Variants in HMCN1 observed in about 807,000 individuals in gnomAD.
The protein encoded by HMCN1 is hemicentin 1, also known as hemicentin-1.
A neutral mutation model predicts 625.9 loss-of-function variants in HMCN1; 321 were observed. The observed-to-expected ratio is 0.51, with a 90% CI of 0.47 to 0.56. The LOEUF (loss-of-function observed/expected upper bound fraction) is 0.56. Among genes scored for constraint, HMCN1 ranks in the 20% least tolerant of loss-of-function variants. HMCN1 has a pLI of 0.00. For synonymous variants in HMCN1, 2,425 were observed against 2,417.6 expected, an observed-to-expected ratio of 1.00 and a Z score of -0.09; for missense variants, 6,588 against 6,887.3, an observed-to-expected ratio of 0.96 and a Z score of 1.54.
In HMCN1 at chr1:185,864,614, C is replaced by T. The variant is rs753014673; in HGVS notation, c.484C>T (p.Gln162Ter). 1.2e-6 allele frequency: 2 copies of T among 1,613,998 alleles called. No individual in the cohort carries two copies. The highest frequency in any genetic ancestry group is 1.7e-6 in the Non-Finnish European group (2 of 1,179,966). ...CCATGAGGTGCTGCAACTTATCCAA[C>T]AGAAACAGTCACAAGTGAGTAAGAA... is the stretch of plus-strand genomic sequence containing the variant. Reference protein sequence around the residue: ...LTHEVLQLIQQKQSQVVFVLT... With the variant: ...LTHEVLQLIQ The change falls in exon 3 of 107, where the codon CAG (glutamine) becomes TAG (stop). Residue 162 changes from glutamine (Q) to a stop codon, truncating the protein, a stop_gained. Transcript: ENST00000271588. LOFTEE classifies it high-confidence loss of function.
chr1:186,159,161 G>T (rs1473879973), intron 97 of HMCN1, among the ~76,000 whole-genome samples: 1 of 151,662 alleles, frequency 6.6e-6, no homozygotes, highest in African/African-American at 2.4e-5. Context: ...CTTGTAAGTT[G>T]GATTCCTAGG....
At chr1:186,139,764 G>T (rs1347788329) in intron 89 of HMCN1, among the ~76,000 whole-genome samples, 3 of 151,982 alleles carry the variant, frequency 2.0e-5, no homozygotes, top group Admixed American at 6.6e-5. Flanking sequence ...ATGCCACATT[G>T]GTAGGTAAAT....
rs180955787 is a variant in HMCN1 at position 186,178,807 on chromosome 1, C to T, written c.16294+41C>T. The T allele has an allele frequency of 9.2e-6, 12 of 1,307,218 alleles. No individual in the cohort carries two copies. The East Asian group carries it at 9.2e-5, about 10-fold the overall frequency. The allele number at this position is 1,307,218 out of a possible 1,614,324, so 81.0% of individuals were successfully genotyped here. A position where few individuals can be genotyped will look rare whatever the true frequency, so the allele number is the denominator to read the frequency against. ...ATTACATTTCCTTTCTGTGGGCTCT[C>T]TTACTGATCAAAGTATGTGTACAGC... On this transcript the variant is annotated intron_variant, in intron 104 of 106. Coordinates refer to ENST00000271588, the MANE Select transcript of HMCN1 (RefSeq NM_031935.3).
intron 2 of HMCN1, among the ~76,000 whole-genome samples, chr1:185,862,859 G>A (rs1235147057): frequency 1.3e-5 from 2 of 152,124 alleles, no homozygotes; most frequent in East Asian, 3.9e-4. Flanking sequence ...TATTTAATGA[G>A]TCTCTCAGTT....
intron 58 of HMCN1, 31 bp from the exon 59 acceptor site, chr1:186,087,186 A>G (rs756555887): frequency 1.5e-6 from 2 of 1,345,032 alleles, no homozygotes; most frequent in Non-Finnish European, 2.1e-6. Flanking sequence ...CCTGTATACC[A>G]CTCTACAATT....
intron 55 of HMCN1, among the ~76,000 whole-genome samples, chr1:186,079,233 G>A (rs551789305): frequency 6.6e-5 from 10 of 152,198 alleles, no homozygotes; most frequent in South Asian, 4.2e-4. Context: ...GCCGGCTCCC[G>A]TGCATAGCTC....
At chr1:185,758,371 C>T (rs921952045) in intron 1 of HMCN1, among the ~76,000 whole-genome samples, 22 of 152,190 alleles carry the variant, frequency 1.4e-4, no homozygotes, top group African/African-American at 5.3e-4. Context: ...TGTGGTGGCT[C>T]ATACCTGTAA....
chr1:186,074,340 A>G (rs1013640966), intron 52 of HMCN1, among the ~76,000 whole-genome samples: 9 of 151,268 alleles, frequency 5.9e-5, no homozygotes, highest in Non-Finnish European at 1.2e-4. Flanking sequence ...AATGTGCTCA[A>G]TCTTTCATAA....
chr1:186,018,149 A>G (rs1306612966), intron 33 of HMCN1, 34 bp from the exon 34 acceptor site: 1 of 1,562,754 alleles, frequency 6.4e-7, no homozygotes, highest in Non-Finnish European at 8.8e-7. Flanking sequence ...TACTTAAAAT[A>G]TTTATCCAGA....
intron 89 of HMCN1, among the ~76,000 whole-genome samples, chr1:186,143,495 T>A (rs186534363): frequency 6.5e-4 from 99 of 152,348 alleles, no homozygotes; most frequent in African/African-American, 2.2e-3. Flanking sequence ...GATGTGTTAG[T>A]TCCCAAAGGA....
At chr1:186,062,332 T>C (rs1657757707) in intron 47 of HMCN1, among the ~76,000 whole-genome samples, 182 bp from the exon 48 acceptor site, 1 of 152,178 alleles carries the variant, frequency 6.6e-6, no homozygotes, top group Non-Finnish European at 1.5e-5. Context: ...TATAATTGGA[T>C]TTATGACTTT....
At chr1:186,086,774 GTAGA>G (rs375561336) in intron 58 of HMCN1, among the ~76,000 whole-genome samples, 125 of 125,096 alleles carry the variant, frequency 1.0e-3, no homozygotes, top group South Asian at 3.6e-3. Flanking sequence ...AGATAGATAG[GTAGA>G]TAGATAGATA....
At chr1:186,175,143 T>C (rs566498269) in intron 103 of HMCN1, among the ~76,000 whole-genome samples, 2 of 152,330 alleles carry the variant, frequency 1.3e-5, no homozygotes, top group Admixed American at 6.5e-5. Flanking sequence ...AATATCTCAT[T>C]TCTCCCCAGT....
chr1:185,772,772 C>A (rs1656332526), intron 1 of HMCN1, among the ~76,000 whole-genome samples: 1 of 152,056 alleles, frequency 6.6e-6, no homozygotes, highest in Non-Finnish European at 1.5e-5. Flanking sequence ...TATTTTCTCA[C>A]AGTTCTCAAG....
chr1:186,113,283 C>G (rs955646871), intron 72 of HMCN1, among the ~76,000 whole-genome samples: 1 of 152,188 alleles, frequency 6.6e-6, no homozygotes, highest in Non-Finnish European at 1.5e-5. Context: ...ATTTAGTTCA[C>G]CTTTATTGAT....
chr1:186,052,426 G>C (rs1657016469), intron 42 of HMCN1, among the ~76,000 whole-genome samples: 1 of 152,048 alleles, frequency 6.6e-6, no homozygotes, highest in Non-Finnish European at 1.5e-5. Context: ...CCAGAGAGAA[G>C]CTGTAGGCCA....
In HMCN1 at chr1:186,088,005, A is replaced by G. The variant is rs1424298263; in HGVS notation, c.9437A>G (p.Asn3146Ser). The change falls in exon 61 of 107, where the codon AAT becomes AGT. Residue 3146 changes from asparagine (N) to serine (S), a missense_variant. By Grantham distance (46) the Asn-to-Ser change is conservative. This residue lies in a region of HMCN1 where 4,628 missense variants were observed against 4,853.1 expected (regional missense o/e 0.95). Coordinates refer to ENST00000271588, the MANE Select transcript of HMCN1 (RefSeq NM_031935.3). ...AGRDDKNFHL[N>S]VYVPPSIEGP... is the part of the protein sequence containing the mutation. ...CGGGATGATAAAAATTTCCACCTCA[A>G]TGTATATGGTGAGCATTTGCCTCTA... 3.7e-6 allele frequency: 6 copies of G among 1,612,842 alleles called. No individual in the cohort carries two copies. The highest frequency in any genetic ancestry group is 2.2e-5 in the South Asian group (2 of 91,072).
intron 1 of HMCN1, among the ~76,000 whole-genome samples, chr1:185,761,827 A>C (rs971988456): frequency 6.7e-6 from 1 of 149,682 alleles, no homozygotes; most frequent in Middle Eastern, 3.3e-3. Context: ...TCTGACCATA[A>C]ATTTTTAGAT....
chr1:185,767,967 C>T (rs996179960), intron 1 of HMCN1, among the ~76,000 whole-genome samples: 2 of 152,196 alleles, frequency 1.3e-5, no homozygotes, highest in African/African-American at 4.8e-5. Context: ...AGAAGAAAAA[C>T]AAAAATCCCC....
Sources: gnomAD v4.1 joint callset for allele counts (sites outside exome capture counted in the v4.1 genomes callset) on GRCh38, gnomAD v4.1.1 for gene constraint, gnomAD v4.1.1 regional missense constraint, MANE v1.5 for transcripts, NCBI Gene and HGNC (gene_info 2026-07-23, HGNC 2026-07-21) for gene names.